CEACAM16: variants seen among roughly 807,000 people sequenced by gnomAD.
CEACAM16 encodes CEA cell adhesion molecule 16, tectorial membrane component.
CEACAM16 carries 30 observed loss-of-function variants against 39.4 expected under a neutral mutation model. That is an observed-to-expected ratio of 0.76 (90% CI 0.57 to 1.03). The LOEUF is 1.03. Ranked by LOEUF, CEACAM16 falls within the 50% of genes least tolerant of loss-of-function variation. CEACAM16 has a pLI of 0.00. For synonymous variants in CEACAM16, 262 were observed against 264.9 expected (o/e 0.99, Z 0.11); for missense variants, 521 against 585.3 (o/e 0.89, Z 1.13).
chr19:44,699,647 G>A (rs1555771209), intron 1 of CEACAM16, among the ~76,000 whole-genome samples: 1 of 151,986 alleles, frequency 6.6e-6, no homozygotes, highest in Non-Finnish European at 1.5e-5. Context: ...AAAGTGCTAG[G>A]ACTACAGGCA....
Position 44,708,129 on chromosome 19 carries a change from C to G in CEACAM16, c.1209C>G (p.Leu403=), listed in dbSNP as rs1447627318. The G allele has an allele frequency of 2.5e-6, 4 of 1,608,162 alleles. No homozygotes were observed. The highest frequency in any genetic ancestry group is 3.4e-6 in the Non-Finnish European group (4 of 1,177,296). ...TCACAGACACTGGCCGCTACACACT[C>G]AAGACTGTCACAGTGCAGGGCAAGA... is the stretch of plus-strand genomic sequence containing the variant. ...LNLTDTGRYT[L]KTVTVQGKTE... Residue 403 remains leucine (L), a synonymous_variant, in exon 6 of 7, where the codon CTC becomes CTG. Transcript: ENST00000587331.
chr19:44,709,241 C>G (rs143859105), intron 6 of CEACAM16, among the ~76,000 whole-genome samples: 3 of 151,038 alleles, frequency 2.0e-5, no homozygotes, highest in South Asian at 2.1e-4. Context: ...CCTCGTCAGA[C>G]TGGGAACTCC....
At position 44,704,026 on chromosome 19, in the gene CEACAM16, G is replaced by A. The variant is rs764381305; in HGVS notation, c.391G>A (p.Ala131Thr). The A allele has an allele frequency of 6.3e-7, 1 of 1,596,380 alleles. No individual in the cohort carries two copies. Among genetic ancestry groups the A allele is most frequent in the South Asian group, 1.1e-5 (1 of 90,196 alleles). The change falls in exon 4 of 7, where the codon GCC becomes ACC. Residue 131 changes from alanine (A) to threonine (T), a missense_variant. Coordinates refer to ENST00000587331, the MANE Select transcript of CEACAM16 (RefSeq NM_001039213.4). ...GTCTCTTGCCCCCACAGAGATCCTGGCCCAGCCCACAGTCTTGGCCAACAG... is the reference window on the plus strand; with the variant it reads ...GTCTCTTGCCCCCACAGAGATCCTGACCCAGCCCACAGTCTTGGCCAACAG... ...YGHVQVHEIL[A>T]QPTVLANSTA...
chr19:44,706,133 G>C (rs1974443492), intron 5 of CEACAM16, among the ~76,000 whole-genome samples: 1 of 152,194 alleles, frequency 6.6e-6, no homozygotes, highest in East Asian at 1.9e-4. Context: ...CACTTCAGGT[G>C]GGTGCCACTG....
intron 4 of CEACAM16, 45 bp from the exon 5 acceptor site, chr19:44,705,545 C>T: frequency 6.5e-7 from 1 of 1,546,208 alleles, no homozygotes; most frequent in African/African-American, 1.4e-5. Context: ...ACCTCCACTC[C>T]TCCTTCCCTC....
At chr19:44,709,374 C>A (rs376053463) in intron 6 of CEACAM16, among the ~76,000 whole-genome samples, 2 of 150,100 alleles carry the variant, frequency 1.3e-5, no homozygotes, top group Non-Finnish European at 3.0e-5. Flanking sequence ...AGACTGGGAG[C>A]TCCCAGAGTC....
At chr19:44,703,903 G>A (rs1051907463) in intron 3 of CEACAM16, 115 bp from the exon 4 acceptor site, 18 of 1,269,748 alleles carry the variant, frequency 1.4e-5, no homozygotes, top group African/African-American at 9.1e-5. Flanking sequence ...TTGTCCCTCC[G>A]GCTGAGGGTG....
intron 1 of CEACAM16, 131 bp downstream of exon 1, chr19:44,699,391 C>T (rs771671340): frequency 4.1e-6 from 2 of 486,138 alleles, no homozygotes; most frequent in African/African-American, 3.9e-5. Context: ...GCCCAGGGTC[C>T]TGGAGGTAGG....
Position 44,708,000 on chromosome 19 carries a change from G to A in CEACAM16, c.1080G>A (p.Arg360=), listed in dbSNP as rs998460249. The A allele has an allele frequency of 3.7e-6, 6 of 1,609,138 alleles. No individual in the cohort carries two copies. Among genetic ancestry groups the A allele is most frequent in the Non-Finnish European group, 5.1e-6 (6 of 1,178,362 alleles). Residue 360 remains arginine (R), a synonymous_variant, in exon 6 of 7, where the codon CGG becomes CGA. Coordinates refer to ENST00000587331, the MANE Select transcript of CEACAM16 (RefSeq NM_001039213.4). Reference sequence around the variant, plus strand: ...GCGGGCCTGCCTCCGAGCCCAACCGGCTGCTCAGCCAGCTGCCGTCAGGAA... The same window carrying A: ...GCGGGCCTGCCTCCGAGCCCAACCGACTGCTCAGCCAGCTGCCGTCAGGAA... ...WYRGPASEPN[R]LLSQLPSGTW...
At chr19:44,708,805 G>A (rs1474370168) in intron 6 of CEACAM16, among the ~76,000 whole-genome samples, 1 of 152,232 alleles carries the variant, frequency 6.6e-6, no homozygotes, top group Non-Finnish European at 1.5e-5. Context: ...TGTGGAAGTT[G>A]TGTCTCCTCA....
At chr19:44,703,876 C>A in intron 3 of CEACAM16, 142 bp from the exon 4 acceptor site, 1 of 1,107,084 alleles carries the variant, frequency 9.0e-7, no homozygotes. Context: ...ATTAGACCTG[C>A]CTCCTAAAAC....
At position 44,705,628 on chromosome 19, in the gene CEACAM16, A is replaced by AC; in HGVS notation, c.703dup (p.Arg235ProfsTer9). On this transcript the variant is annotated frameshift_variant, in exon 5 of 7. Coordinates refer to ENST00000587331, the MANE Select transcript of CEACAM16 (RefSeq NM_001039213.4). LOFTEE classifies it high-confidence loss of function. ...TGTGGCCATCCTCCAGGATTCCACC[A>AC]CCCGCACAGGCTGCACCATCAAAGT... 6.2e-7 allele frequency: 1 copy of AC among 1,609,952 alleles called. No individual in the cohort carries two copies. Among genetic ancestry groups the AC allele is most frequent in the South Asian group, 1.1e-5 (1 of 90,986 alleles).
intron 1 of CEACAM16, among the ~76,000 whole-genome samples, chr19:44,700,718 AG>A (rs1465327915): frequency 3.3e-5 from 5 of 152,162 alleles, no homozygotes; most frequent in African/African-American, 1.2e-4. Context: ...TTTGACAGAG[AG>A]GGGAAAACAA....
At chr19:44,700,308 T>A (rs1039116029) in intron 1 of CEACAM16, among the ~76,000 whole-genome samples, 2 of 152,072 alleles carry the variant, frequency 1.3e-5, no homozygotes, top group African/African-American at 4.8e-5. Flanking sequence ...CCCAGCTAAC[T>A]TATATTTTTA....
chr19:44,708,205 G>A lies in CEACAM16; in HGVS notation c.1267+18G>A, dbSNP rs1242471971. 6.6e-7 allele frequency: 1 copy of A among 1,523,974 alleles called. No homozygotes were observed. The highest frequency in any genetic ancestry group is 1.2e-5 in the South Asian group (1 of 81,402). 94.4% of individuals were successfully genotyped at this position (1,523,974 alleles called of 1,614,324 possible). ...GGTGGCCCGTGAGTGTGTGGGAAGGGGCAAGGCGTGCCCCTTTTTAGACAA... is the reference window on the plus strand; with the variant it reads ...GGTGGCCCGTGAGTGTGTGGGAAGGAGCAAGGCGTGCCCCTTTTTAGACAA... On this transcript the variant is annotated intron_variant, in intron 6 of 6. Transcript: ENST00000587331.
In CEACAM16 at chr19:44,705,581, C is replaced by T; in HGVS notation, c.662-9C>T. ...TACTGCCCCATCTATCTCCCTCCTG[C>T]CCCCACAGTTGGCCCAGAGCGTGTG... On this transcript the variant is annotated splice_polypyrimidine_tract_variant and intron_variant, in intron 4 of 6. Coordinates refer to ENST00000587331, the MANE Select transcript of CEACAM16 (RefSeq NM_001039213.4). The T allele has an allele frequency of 6.3e-7, 1 of 1,586,884 alleles. No homozygotes were observed. The highest frequency in any genetic ancestry group is 8.6e-7 in the Non-Finnish European group (1 of 1,161,514).
intron 6 of CEACAM16, among the ~76,000 whole-genome samples, chr19:44,709,032 T>C (rs1302164827): frequency 6.6e-6 from 1 of 151,940 alleles, no homozygotes; most frequent in Non-Finnish European, 1.5e-5. Context: ...TCCATCAGAC[T>C]AGGAGCTCCC....
At position 44,707,932 on chromosome 19, in the gene CEACAM16, G is replaced by T. The variant is rs754040589; in HGVS notation, c.1012G>T (p.Val338Leu). The change falls in exon 6 of 7, where the codon GTG (valine) becomes TTG (leucine). Residue 338 changes from valine (V) to leucine (L), a missense_variant. Coordinates refer to ENST00000587331, the MANE Select transcript of CEACAM16 (RefSeq NM_001039213.4). ...PTEGQDVTLT[V>L]QGYPKDLLVY... ...GGAGGGCCAGGACGTAACACTGACC[G>T]TGCAGGGCTACCCCAAGGACCTGCT... 4.6e-5 allele frequency: 73 copies of T among 1,594,992 alleles called. No homozygotes were observed. The East Asian group carries it at 1.5e-3, about 34-fold the overall frequency.
Position 44,708,245 on chromosome 19 carries a change from A to T in CEACAM16, c.1267+58A>T, listed in dbSNP as rs1568529637. On this transcript the variant is annotated intron_variant, in intron 6 of 6. Transcript: ENST00000587331. ...TTTTTAGACAAGGGCTCCCAAAAGG[A>T]GCCTTTGCTTCCTCCATCAGGCTGG... 2.1e-6 allele frequency: 3 copies of T among 1,430,396 alleles called. No homozygotes were observed. In the South Asian group the frequency reaches 4.4e-5, roughly 21 times the overall value. 88.6% of individuals were successfully genotyped at this position (1,430,396 alleles called of 1,614,324 possible). A position where few individuals can be genotyped will look rare whatever the true frequency, so the allele number is the denominator to read the frequency against.
Sources: gnomAD v4.1 joint callset for allele counts (sites outside exome capture counted in the v4.1 genomes callset) on GRCh38, gnomAD v4.1.1 for gene constraint, MANE v1.5 for transcripts, NCBI Gene and HGNC (gene_info 2026-07-23, HGNC 2026-07-21) for gene names.